The following DCBLD1 variants were observed in gnomAD, a reference collection of about 807,000 sequenced individuals.
DCBLD1 encodes discoidin, CUB and LCCL domain-containing protein 1.
In DCBLD1, 57 loss-of-function variants were observed where a neutral mutation model predicts 71.5. The ratio of observed to expected loss-of-function variants is 0.80; its 90% confidence interval spans 0.64 to 0.99. The LOEUF (loss-of-function observed/expected upper bound fraction) is 0.99. DCBLD1 is among the 50% of genes least tolerant of loss of function. The pLI, the probability that DCBLD1 is intolerant of heterozygous loss-of-function variation, is 0.00. For synonymous variants in DCBLD1, 380 were observed against 363.8 expected, an observed-to-expected ratio of 1.04 and a Z score of -0.51; for missense variants, 891 against 923.5, an observed-to-expected ratio of 0.96 and a Z score of 0.46.
intron 6 of DCBLD1, among the ~76,000 whole-genome samples, chr6:117,535,635 G>A (rs1029415101): frequency 6.6e-6 from 1 of 152,078 alleles, no homozygotes; most frequent in African/African-American, 2.4e-5. Flanking sequence ...TAACTCCAAA[G>A]GTATCCTTTC....
At chr6:117,541,430 C>CA (rs952518211) in intron 11 of DCBLD1, among the ~76,000 whole-genome samples, 1 of 151,958 alleles carries the variant, frequency 6.6e-6, no homozygotes, top group Non-Finnish European at 1.5e-5. Context: ...ACCCTTTCTG[C>CA]AAAAAGGAGA....
chr6:117,516,256 G>A (rs1778194075), intron 2 of DCBLD1, among the ~76,000 whole-genome samples: 1 of 151,650 alleles, frequency 6.6e-6, no homozygotes, highest in African/African-American at 2.4e-5. Flanking sequence ...AGCTACTCAG[G>A]AGGCTGAGAC....
At chr6:117,504,577 C>T (rs527790041) in intron 2 of DCBLD1, among the ~76,000 whole-genome samples, 4 of 152,242 alleles carry the variant, frequency 2.6e-5, no homozygotes, top group Non-Finnish European at 2.9e-5. Context: ...AGACCCAAAA[C>T]GAGGTAAGGG....
At chr6:117,521,369 T>G (rs1778378552) in intron 3 of DCBLD1, among the ~76,000 whole-genome samples, 156 bp from the exon 4 acceptor site, 1 of 152,232 alleles carries the variant, frequency 6.6e-6, no homozygotes, top group African/African-American at 2.4e-5. Flanking sequence ...CTGGAGACAG[T>G]GATTCTCAGT....
chr6:117,545,619 C>T, intron 14 of DCBLD1, 22 bp downstream of exon 14: 1 of 1,609,338 alleles, frequency 6.2e-7, no homozygotes, highest in Non-Finnish European at 8.5e-7. Context: ...ATTTCTAGGA[C>T]TGTGCTATTA....
intron 4 of DCBLD1, 116 bp from the exon 5 acceptor site, chr6:117,525,246 C>G: frequency 4.5e-6 from 3 of 665,424 alleles, no homozygotes; most frequent in Non-Finnish European, 6.3e-6. Context: ...TCTAATTTGC[C>G]ATTAAAGCAA....
At chr6:117,533,586 ATAACATTGCTTT>A (rs1484596990) in intron 6 of DCBLD1, among the ~76,000 whole-genome samples, 2 of 152,352 alleles carry the variant, frequency 1.3e-5, no homozygotes, top group East Asian at 3.9e-4. Context: ...ACCACAAGTT[ATAACATTGCTTT>A]TATTGGAAAA....
intron 2 of DCBLD1, among the ~76,000 whole-genome samples, chr6:117,511,179 T>C (rs1437039448): frequency 6.6e-6 from 1 of 152,198 alleles, no homozygotes; most frequent in Non-Finnish European, 1.5e-5. Context: ...ACCTGAGGTG[T>C]AGTTCTTGTT....
At chr6:117,520,008 G>T (rs1778333869) in intron 3 of DCBLD1, 58 bp downstream of exon 3, 1 of 1,594,566 alleles carries the variant, frequency 6.3e-7, no homozygotes, top group Admixed American at 1.7e-5. Context: ...AATTCCTCTT[G>T]CCACTTATCC....
At chr6:117,544,612 C>A in intron 13 of DCBLD1, 35 bp downstream of exon 13, 1 of 1,611,982 alleles carries the variant, frequency 6.2e-7, no homozygotes, top group Non-Finnish European at 8.5e-7. Flanking sequence ...TTTTATCTGT[C>A]TTTGAGGAAG....
At position 117,486,827 on chromosome 6, in the gene DCBLD1, G is replaced by A. The variant is rs559385031; in HGVS notation, c.112+3934G>A. 1.9e-4 allele frequency among the ~76,000 whole-genome samples: 29 copies of A among 152,282 alleles called. 1 individual carries two copies. In the East Asian group the frequency reaches 4.8e-3, roughly 25 times the overall value. On this transcript the variant is annotated intron_variant, in intron 1 of 14. Transcript: ENST00000338728. ...GCAGACTGGTACCTGTCACTGGCCC[G>A]TTAGGAGCCGGGCCACACAGCAGGA...
rs529061959 is a variant in DCBLD1 at position 117,537,402 on chromosome 6, G to C, written c.760+177G>C. Among the ~76,000 whole-genome samples, 107 of 151,820 alleles carry C rather than the reference G, an allele frequency of 7.0e-4. 1 individual carries two copies. The highest frequency in any genetic ancestry group is 5.3e-3 in the South Asian group (25 of 4,760). ...ACAAAAAATTAGCCGGGCCTGGTGG[G>C]GGGCGCCTGTAGTCCCAGCTTCTCG... On this transcript the variant is annotated intron_variant, in intron 7 of 14. Coordinates refer to ENST00000338728, the MANE Select transcript of DCBLD1 (RefSeq NM_001366458.2).
intron 5 of DCBLD1, among the ~76,000 whole-genome samples, chr6:117,530,996 G>T (rs1442430110): frequency 1.3e-5 from 2 of 151,272 alleles, no homozygotes; most frequent in African/African-American, 4.9e-5. Flanking sequence ...CCTCTCTTTT[G>T]TTAGGATAGC....
At chr6:117,566,657 C>G (rs1779703246) in intron 14 of DCBLD1, among the ~76,000 whole-genome samples, 1 of 151,930 alleles carries the variant, frequency 6.6e-6, no homozygotes, top group Non-Finnish European at 1.5e-5. Context: ...TCTTAACAGT[C>G]CAAGATGAAT....
intron 14 of DCBLD1, among the ~76,000 whole-genome samples, chr6:117,566,462 C>A (rs1779698893): frequency 6.6e-6 from 1 of 152,142 alleles, no homozygotes; most frequent in African/African-American, 2.4e-5. Flanking sequence ...CAGTATACTT[C>A]ATACTTATTC....
At position 117,540,744 on chromosome 6, in the gene DCBLD1, G is replaced by A. The variant is rs1242473374; in HGVS notation, c.1178G>A (p.Arg393Gln). 3.7e-6 allele frequency: 6 copies of A among 1,614,080 alleles called. No homozygotes were observed. Among genetic ancestry groups the A allele is most frequent in the East Asian group, 2.2e-5 (1 of 44,894 alleles). Residue 393 changes from arginine to glutamine, a missense_variant, in exon 10 of 15, where the codon CGG becomes CAG. Transcript: ENST00000338728. ...CCTCCCATCGTGGCCAGATATGTGC[G>A]GGTTGTCCCCCAGACATGGCACCAG... is the stretch of plus-strand genomic sequence containing the variant. ...FIPPIVARYV[R>Q]VVPQTWHQRI...
intron 1 of DCBLD1, among the ~76,000 whole-genome samples, chr6:117,484,764 C>T (rs1348857416): frequency 6.6e-6 from 1 of 152,122 alleles, no homozygotes; most frequent in Non-Finnish European, 1.5e-5. Flanking sequence ...TTTTAGGAAA[C>T]AAATGGTATA....
In DCBLD1 at chr6:117,491,893, C is replaced by T. The variant is rs1338782910; in HGVS notation, c.112+9000C>T. 3.9e-5 allele frequency among the ~76,000 whole-genome samples: 6 copies of T among 152,008 alleles called. No individual in the cohort carries two copies. In the South Asian group the frequency reaches 6.2e-4, roughly 16 times the overall value. Reference sequence around the variant, plus strand: ...CTATACCTGTATTTCTGTATAAGCCCGAAATTTGACCTAAAGACTCGATTA... The same window carrying T: ...CTATACCTGTATTTCTGTATAAGCCTGAAATTTGACCTAAAGACTCGATTA... On this transcript the variant is annotated intron_variant, in intron 1 of 14. Coordinates refer to ENST00000338728, the MANE Select transcript of DCBLD1 (RefSeq NM_001366458.2).
At position 117,547,793 on chromosome 6, in the gene DCBLD1, G is replaced by A. The variant is rs981638456; in HGVS notation, c.1616-114G>A. On this transcript the variant is annotated intron_variant, in intron 14 of 14. Transcript: ENST00000338728. The stretch of plus-strand genomic sequence containing the variant: ...TTCCGCAGTGCCTGGGACACCTGAG[G>A]GCACCCGGGGGGAAAGTCAGTCACC... The A allele has an allele frequency of 9.9e-5, 153 of 1,542,442 alleles. No individual in the cohort carries two copies. The African/African-American group carries it at 1.8e-3, about 19-fold the overall frequency.
Sources: gnomAD v4.1 joint callset for allele counts (sites outside exome capture counted in the v4.1 genomes callset) on GRCh38, gnomAD v4.1.1 for gene constraint, MANE v1.5 for transcripts, NCBI Gene and HGNC (gene_info 2026-07-23, HGNC 2026-07-21) for gene names.